Variants in PRKDC observed in about 807,000 individuals in gnomAD.
PRKDC encodes the protein DNA-dependent protein kinase catalytic subunit.
PRKDC carries 82 observed loss-of-function variants against 486.9 expected under a neutral mutation model. The observed-to-expected ratio is 0.17, with a 90% CI of 0.14 to 0.20. The LOEUF (loss-of-function observed/expected upper bound fraction) is 0.20. PRKDC is among the 10% of genes least tolerant of loss of function. The pLI, the probability that PRKDC is intolerant of heterozygous loss-of-function variation, is 1.00. For missense variants in PRKDC, 4,504 were observed against 5,038.2 expected (o/e 0.89, Z 3.21); for synonymous variants, 1,895 against 1,837.0 (o/e 1.03, Z -0.81).
intron 68 of PRKDC, among the ~76,000 whole-genome samples, chr8:47,815,825 A>G (rs1012698299): frequency 1.3e-5 from 2 of 152,252 alleles, no homozygotes; most frequent in Non-Finnish European, 2.9e-5. Context: ...GGACATTTGT[A>G]TGTCTCAAAG....
chr8:47,931,240 C>G (rs1011897466), intron 16 of PRKDC, among the ~76,000 whole-genome samples: 1 of 152,114 alleles, frequency 6.6e-6, no homozygotes, highest in Non-Finnish European at 1.5e-5. Flanking sequence ...TTTGTGTTAC[C>G]AAACACAACT....
chr8:47,891,410 T>C (rs1346319859), intron 31 of PRKDC, among the ~76,000 whole-genome samples: 1 of 152,172 alleles, frequency 6.6e-6, no homozygotes, highest in Non-Finnish European at 1.5e-5. Flanking sequence ...TTCCAAGAAC[T>C]GAGATAACTT....
chr8:47,943,135 A>C, intron 10 of PRKDC, 74 bp downstream of exon 10: 1 of 1,467,008 alleles, frequency 6.8e-7, no homozygotes, highest in Non-Finnish European at 9.3e-7. Context: ...ATTTTCAAAC[A>C]TGCATGCATG....
chr8:47,913,923 G>A lies in PRKDC; in HGVS notation c.2759C>T (p.Thr920Ile), dbSNP rs1267683222. ...FLPRVTELALTASDRQTKVAA... is the reference protein window; with the variant it reads ...FLPRVTELALIASDRQTKVAA... ...TACTTTAGTTTGTCTGTCACTGGCT[G>A]TGAGCGCTAATTCTGTGACTCGAGG... Residue 920 changes from threonine (T) to isoleucine (I), a missense_variant, in exon 24 of 86, where the codon ACA (threonine) becomes ATA (isoleucine). Thr to Ile is a moderately conservative substitution (Grantham distance 89). Around this residue, in one of 6 missense-constraint regions of PRKDC, gnomAD observed 1,969 missense variants for 2,068.9 expected, o/e 0.95. Coordinates refer to ENST00000314191, the MANE Select transcript of PRKDC (RefSeq NM_006904.7). The A allele has an allele frequency of 1.2e-6, 2 of 1,608,684 alleles. No individual in the cohort carries two copies. The highest frequency in any genetic ancestry group is 1.7e-6 in the Non-Finnish European group (2 of 1,177,672).
Position 47,915,499 on chromosome 8 carries a change from C to T in PRKDC, c.2527-81G>A, listed in dbSNP as rs569016963. On this transcript the variant is annotated intron_variant, in intron 22 of 85. Transcript: ENST00000314191. ...GAAGACATAGGAAAAAACTCTTTGC[C>T]ACCCACTTGGATGTCCATTTCCTAG... 8.3e-6 allele frequency: 7 copies of T among 847,700 alleles called. No homozygotes were observed. The South Asian group carries it at 1.3e-4, about 16-fold the overall frequency. 52.5% of individuals were successfully genotyped at this position (847,700 alleles called of 1,614,324 possible). A position where few individuals can be genotyped will look rare whatever the true frequency, so the allele number is the denominator to read the frequency against.
chr8:47,804,280 T>C (rs1160783847), intron 69 of PRKDC, among the ~76,000 whole-genome samples: 3 of 152,002 alleles, frequency 2.0e-5, no homozygotes, highest in East Asian at 1.9e-4. Flanking sequence ...TAATACTCCA[T>C]TGCACGGACA....
chr8:47,809,877 T>C (rs1474444053), intron 68 of PRKDC, among the ~76,000 whole-genome samples: 4 of 152,196 alleles, frequency 2.6e-5, no homozygotes, highest in African/African-American at 7.2e-5. Context: ...TACTCTCTTT[T>C]GCCCCTGTGG....
chr8:47,934,389 G>T (rs1417149816), intron 14 of PRKDC, among the ~76,000 whole-genome samples: 5 of 152,178 alleles, frequency 3.3e-5, no homozygotes, highest in Non-Finnish European at 5.9e-5. Flanking sequence ...ACAAAAATTG[G>T]CTGGGCAAGG....
chr8:47,955,161 GAAAGA>G (rs1031276571), intron 4 of PRKDC, among the ~76,000 whole-genome samples: 7 of 142,694 alleles, frequency 4.9e-5, no homozygotes, highest in African/African-American at 1.3e-4. Context: ...CTCAAAAAAA[GAAAGA>G]AAAGAAAACA....
At chr8:47,779,983 C>T (rs2086671816) in intron 80 of PRKDC, among the ~76,000 whole-genome samples, 1 of 145,108 alleles carries the variant, frequency 6.9e-6, no homozygotes, top group Admixed American at 7.2e-5. Context: ...GGTGCAATCT[C>T]GGCTTGCTAC....
At chr8:47,869,279 G>T (rs1038547709) in intron 40 of PRKDC, among the ~76,000 whole-genome samples, 7 of 151,452 alleles carry the variant, frequency 4.6e-5, no homozygotes, top group African/African-American at 1.7e-4. Context: ...TCTGCTTGAG[G>T]ACAGGAAGGG....
At chr8:47,947,229 C>T (rs150461144) in intron 7 of PRKDC, among the ~76,000 whole-genome samples, 13 of 152,320 alleles carry the variant, frequency 8.5e-5, no homozygotes, top group African/African-American at 2.6e-4. Context: ...CTGTCTCCCT[C>T]TCCTCCTTCT....
intron 54 of PRKDC, among the ~76,000 whole-genome samples, chr8:47,847,369 C>A (rs1242425470): frequency 6.6e-6 from 1 of 152,160 alleles, no homozygotes; most frequent in African/African-American, 2.4e-5. Flanking sequence ...ACCATCTGAT[C>A]TTTGACAAAG....
chr8:47,845,424 G>A (rs2088243087), intron 54 of PRKDC, among the ~76,000 whole-genome samples: 1 of 151,934 alleles, frequency 6.6e-6, no homozygotes, highest in African/African-American at 2.4e-5. Flanking sequence ...ACAGACAGAA[G>A]ATCTAAATAA....
chr8:47,887,322 G>A (rs1589766995), intron 35 of PRKDC, among the ~76,000 whole-genome samples: 1 of 152,136 alleles, frequency 6.6e-6, no homozygotes, highest in East Asian at 1.9e-4. Context: ...GAAACAAAGT[G>A]GGATAGACAA....
intron 76 of PRKDC, among the ~76,000 whole-genome samples, chr8:47,786,466 A>G (rs2154497676): frequency 6.6e-6 from 1 of 152,248 alleles, no homozygotes; most frequent in African/African-American, 2.4e-5. Context: ...AAATCCTAAT[A>G]AGGGCTTTAA....
At chr8:47,803,594 T>C in intron 69 of PRKDC, 114 bp from the exon 70 acceptor site, 1 of 890,420 alleles carries the variant, frequency 1.1e-6, no homozygotes, top group South Asian at 1.5e-5. Flanking sequence ...GAGTAGCGAA[T>C]CCATTTCTTT....
In PRKDC at chr8:47,935,735, C is replaced by G. The variant is rs757632607; in HGVS notation, c.1444G>C (p.Val482Leu). 3.7e-6 allele frequency: 6 copies of G among 1,612,710 alleles called. No individual in the cohort carries two copies. In the South Asian group the frequency reaches 6.6e-5, roughly 18 times the overall value. ...GPVLRNCISTVVHQGLIRICS... is the reference protein window; with the variant it reads ...GPVLRNCISTLVHQGLIRICS... Reference sequence around the variant, plus strand: ...ATACAATAAATTGCAAACTTACCCACAGTACTAATGCAATTCCTGAGAACT... The same window carrying G: ...ATACAATAAATTGCAAACTTACCCAGAGTACTAATGCAATTCCTGAGAACT... The change falls in exon 13 of 86, where the codon GTG becomes CTG. Residue 482 changes from valine (V) to leucine (L), a missense_variant. Coordinates refer to ENST00000314191, the MANE Select transcript of PRKDC (RefSeq NM_006904.7).
intron 66 of PRKDC, 56 bp downstream of exon 66, chr8:47,820,658 CATTAT>C (rs914632327): frequency 2.8e-5 from 25 of 894,236 alleles, no homozygotes; most frequent in South Asian, 5.1e-5. Context: ...GATAGATCCA[CATTAT>C]AATATATATA....
Sources: gnomAD v4.1 joint callset for allele counts (sites outside exome capture counted in the v4.1 genomes callset) on GRCh38, gnomAD v4.1.1 for gene constraint, gnomAD v4.1.1 regional missense constraint, MANE v1.5 for transcripts, NCBI Gene and HGNC (gene_info 2026-07-23, HGNC 2026-07-21) for gene names.